KDM4A: variants seen among roughly 807,000 people sequenced by gnomAD.
The protein encoded by KDM4A is lysine demethylase 4A.
Under a neutral mutation model 127.1 loss-of-function variants are expected in KDM4A, and 23 were observed. The observed-to-expected ratio is 0.18, with a 90% confidence interval of 0.13 to 0.26. The LOEUF (loss-of-function observed/expected upper bound fraction) is 0.26, where lower values mean the gene tolerates loss of function less well. KDM4A is among the 10% of genes least tolerant of loss of function. The pLI, the probability that KDM4A is intolerant of heterozygous loss-of-function variation, is 1.00. For missense variants in KDM4A, 890 were observed against 1,329.1 expected (o/e 0.67, Z 5.14); for synonymous variants, 443 against 466.5 (o/e 0.95, Z 0.65).
At position 43,704,241 on chromosome 1, in the gene KDM4A, A is replaced by G. The variant is rs1327611540; in HGVS notation, c.3066A>G (p.Ser1022=). The change falls in exon 22 of 22, where the codon TCA becomes TCG. Residue 1022 remains serine, a synonymous_variant. Transcript: ENST00000372396. ...KRVKSRLSVA[S]DMRFNEIFTE... is the part of the protein sequence containing the mutation. Reference sequence around the variant, plus strand: ...TTATTCTTCTATAGTCAGTAGCCTCAGACATGCGCTTCAATGAGATTTTCA... The same window carrying G: ...TTATTCTTCTATAGTCAGTAGCCTCGGACATGCGCTTCAATGAGATTTTCA... 2 of 1,614,186 alleles carry G rather than the reference A, an allele frequency of 1.2e-6. No individual in the cohort carries two copies. Among genetic ancestry groups the G allele is most frequent in the South Asian group, 1.1e-5 (1 of 91,080 alleles).
intron 13 of KDM4A, 176 bp from the exon 14 acceptor site, chr1:43,690,669 A>C (rs563143362): frequency 3.0e-6 from 2 of 673,130 alleles, no homozygotes; most frequent in African/African-American, 3.5e-5. Context: ...TGAGAAACTG[A>C]ATTTGAGTCA....
rs558196547 is a variant in KDM4A, at chr1:43,692,085, C to T, written c.2320-171C>T. 1.4e-3 allele frequency among the ~76,000 whole-genome samples: 209 copies of T among 152,344 alleles called. 1 individual carries two copies. Among genetic ancestry groups the T allele is most frequent in the Middle Eastern group, 0.014 (4 of 294 alleles). ...TTGGCACACTTTAGCCCTGAGTGGC[C>T]TCTCCTTCTGACAGGGCGTCCTGGT... is the stretch of plus-strand genomic sequence containing the variant. On this transcript the variant is annotated intron_variant, in intron 15 of 21. Coordinates refer to ENST00000372396, the MANE Select transcript of KDM4A (RefSeq NM_014663.3).
Position 43,694,674 on chromosome 1 carries a change from C to A in KDM4A, c.2485-35C>A. On this transcript the variant is annotated intron_variant, in intron 17 of 21. Transcript: ENST00000372396. This position sits in a 1 kb window ranked among gnomAD's most constrained non-coding sequence, Gnocchi z 5.2. ...AACAGAGGAAGCTGCAGTGCCAGTT[C>A]CTGCAATCACTGGTTTTCTTCCCCT... The A allele has an allele frequency of 1.3e-6, 2 of 1,565,360 alleles. No individual in the cohort carries two copies. The highest frequency in any genetic ancestry group is 8.8e-7 in the Non-Finnish European group (1 of 1,140,694).
At chr1:43,662,290 C>A (rs1660400749) in intron 4 of KDM4A, among the ~76,000 whole-genome samples, 1 of 151,196 alleles carries the variant, frequency 6.6e-6, no homozygotes, top group African/African-American at 2.4e-5. Context: ...AGCATCAGTT[C>A]AAACTTTTCC....
At chr1:43,674,989 G>A (rs776352002) in intron 11 of KDM4A, among the ~76,000 whole-genome samples, 7 of 152,182 alleles carry the variant, frequency 4.6e-5, no homozygotes, top group South Asian at 4.1e-4. Flanking sequence ...GACTCCTTCC[G>A]TGTGGAAGTG....
At chr1:43,663,517 G>A (rs564246779) in intron 5 of KDM4A, among the ~76,000 whole-genome samples, 43 of 152,224 alleles carry the variant, frequency 2.8e-4, no homozygotes, top group African/African-American at 6.5e-4. Flanking sequence ...AAGGGATTGC[G>A]AGGCTATTCA....
intron 2 of KDM4A, 100 bp downstream of exon 2, chr1:43,653,413 G>C: frequency 8.0e-7 from 1 of 1,245,738 alleles, no homozygotes. Flanking sequence ...CTGAAAGTTG[G>C]GTGGGGTGAT....
chr1:43,702,880 G>T (rs959995445), intron 19 of KDM4A, among the ~76,000 whole-genome samples: 1 of 151,806 alleles, frequency 6.6e-6, no homozygotes, highest in Admixed American at 6.6e-5. Flanking sequence ...AAAATACAAA[G>T]ATTAGCTGGG....
intron 11 of KDM4A, among the ~76,000 whole-genome samples, chr1:43,678,463 G>GTGC (rs1209866268): frequency 1.3e-5 from 2 of 152,088 alleles, no homozygotes; most frequent in Non-Finnish European, 2.9e-5. Context: ...ATGGCCAAGT[G>GTGC]TGCCTTGTAT....
intron 10 of KDM4A, among the ~76,000 whole-genome samples, chr1:43,670,814 G>A (rs1198930408): frequency 1.3e-5 from 2 of 152,070 alleles, no homozygotes; most frequent in East Asian, 3.9e-4. Context: ...GCCCACCTCA[G>A]CCTCCCAAAG....
intron 4 of KDM4A, 135 bp downstream of exon 4, chr1:43,660,547 T>A: frequency 1.5e-6 from 2 of 1,315,374 alleles, no homozygotes; most frequent in Non-Finnish European, 2.0e-6. Flanking sequence ...CCCCAGCTGA[T>A]GTTGCTGTGC....
rs759816313 is a variant in KDM4A at position 43,703,774 on chromosome 1, CTTGA to C, written c.2961+41_2961+44del. 1.3e-4 allele frequency: 210 copies of C among 1,611,830 alleles called. 1 individual carries two copies. Among genetic ancestry groups the C allele is most frequent in the Non-Finnish European group, 1.7e-4 (199 of 1,178,822 alleles). The stretch of plus-strand genomic sequence containing the variant: ...CTACCTTTCTAGGGAGTGGGGGGTG[CTTGA>C]TTAATTCTGTGCTTCCTGTTGGGCC... On this transcript the variant is annotated intron_variant, in intron 20 of 21. Coordinates refer to ENST00000372396, the MANE Select transcript of KDM4A (RefSeq NM_014663.3).
chr1:43,661,409 C>A (rs1660372803), intron 4 of KDM4A, among the ~76,000 whole-genome samples: 1 of 151,380 alleles, frequency 6.6e-6, no homozygotes, highest in African/African-American at 2.4e-5. Context: ...GAGATTGAGA[C>A]CACTCTGGCT....
At chr1:43,660,471 T>TC (rs1379044904) in intron 4 of KDM4A, 59 bp downstream of exon 4, 6 of 1,539,784 alleles carry the variant, frequency 3.9e-6, no homozygotes, top group Non-Finnish European at 5.3e-6. Context: ...TACCTTTTTT[T>TC]CGGCCCGGCA....
At chr1:43,696,896 T>C (rs1488310107) in intron 18 of KDM4A, among the ~76,000 whole-genome samples, 1 of 147,746 alleles carries the variant, frequency 6.8e-6, no homozygotes, top group Non-Finnish European at 1.5e-5. Flanking sequence ...GTGCCAGGAC[T>C]ATACCATTGA....
At chr1:43,664,034 AGT>A (rs910893648) in intron 5 of KDM4A, among the ~76,000 whole-genome samples, 10 of 152,198 alleles carry the variant, frequency 6.6e-5, no homozygotes, top group African/African-American at 2.2e-4. Context: ...GGAGGTAGAA[AGT>A]GTGAGAGAAT....
chr1:43,674,082 A>T (rs1027345765), intron 11 of KDM4A, among the ~76,000 whole-genome samples: 1 of 152,152 alleles, frequency 6.6e-6, no homozygotes, highest in Non-Finnish European at 1.5e-5. Flanking sequence ...AGCTGGGACT[A>T]CAGGTGCACA....
intron 5 of KDM4A, 30 bp from the exon 6 acceptor site, chr1:43,665,666 C>T (rs201847175): frequency 1.2e-6 from 2 of 1,612,780 alleles, no homozygotes. Context: ...TGCCCTCCAC[C>T]CAGCCTCTGA....
Position 43,688,845 on chromosome 1 carries a change from T to C in KDM4A, c.1856-69T>C. On this transcript the variant is annotated intron_variant, in intron 12 of 21. Transcript: ENST00000372396. The surrounding 1 kb of genome is among the most constrained non-coding windows in gnomAD (Gnocchi z 4.4). ...GGATCAGGAGTCCTAGTGGAACTCA[T>C]CTGTTCTCCAGGCAGAGCCACAGAT... 1 of 1,428,674 alleles carries C rather than the reference T, an allele frequency of 7.0e-7. No individual in the cohort carries two copies. Among genetic ancestry groups the C allele is most frequent in the South Asian group, 1.2e-5 (1 of 80,826 alleles). 88.5% of individuals were successfully genotyped at this position (1,428,674 alleles called of 1,614,324 possible).
Sources: allele counts gnomAD v4.1 joint callset (sites outside exome capture counted in the v4.1 genomes callset), GRCh38; gene constraint gnomAD v4.1.1; non-coding constraint Gnocchi (gnomAD v3.1); transcripts MANE v1.5; gene names NCBI Gene and HGNC (gene_info 2026-07-23, HGNC 2026-07-21).